Variants in PRKG1 observed in about 807,000 individuals in gnomAD.
The protein encoded by PRKG1 is cGMP-dependent protein kinase 1.
In PRKG1, 35 loss-of-function variants were observed where a neutral mutation model predicts 88.1. The observed-to-expected ratio is 0.40, with a 90% CI of 0.30 to 0.53. The LOEUF (loss-of-function observed/expected upper bound fraction) is 0.53, where lower values mean the gene tolerates loss of function less well. Among genes scored for constraint, PRKG1 ranks in the 20% least tolerant of loss-of-function variants. PRKG1 has a pLI of 0.59. For synonymous variants in PRKG1, 303 were observed against 292.5 expected, an observed-to-expected ratio of 1.04 and a Z score of -0.37; for missense variants, 540 against 839.8, an observed-to-expected ratio of 0.64 and a Z score of 4.41.
chr10:51,305,827 T>TATC (rs1841021661), intron 2 of PRKG1, among the ~76,000 whole-genome samples: 1 of 152,212 alleles, frequency 6.6e-6, no homozygotes, highest in Non-Finnish European at 1.5e-5. Flanking sequence ...GCTAAGCACA[T>TATC]ATCTTGTGAA....
intron 3 of PRKG1, among the ~76,000 whole-genome samples, chr10:51,623,098 A>G (rs1839249366): frequency 6.6e-6 from 1 of 152,216 alleles, no homozygotes. Flanking sequence ...ACTTGTAGCA[A>G]TCCAACAGAT....
chr10:51,141,200 A>G (rs915834168), intron 1 of PRKG1, among the ~76,000 whole-genome samples: 4 of 152,152 alleles, frequency 2.6e-5, no homozygotes, highest in African/African-American at 9.7e-5. Flanking sequence ...ACAGAGTTAC[A>G]TCATGTGCCT....
chr10:51,254,078 T>A (rs968677322), intron 2 of PRKG1, among the ~76,000 whole-genome samples: 2 of 151,934 alleles, frequency 1.3e-5, no homozygotes, highest in African/African-American at 4.8e-5. Flanking sequence ...AAGATCAAAG[T>A]GTTTAATATT....
intron 1 of PRKG1, among the ~76,000 whole-genome samples, chr10:51,017,199 T>C (rs1843078621): frequency 2.6e-5 from 4 of 152,136 alleles, no homozygotes; most frequent in Admixed American, 2.6e-4. Context: ...ATCCCTCTTA[T>C]GTGCTCCTGT....
intron 3 of PRKG1, among the ~76,000 whole-genome samples, chr10:51,520,810 A>G (rs1359931769): frequency 6.6e-6 from 1 of 152,238 alleles, no homozygotes; most frequent in East Asian, 1.9e-4. Flanking sequence ...TATGTCATAC[A>G]TGGAAGAATT....
rs561945792 is a variant in PRKG1 at position 52,259,309 on chromosome 10, C to T, written c.1173+7643C>T. On this transcript the variant is annotated intron_variant, in intron 10 of 17. Transcript: ENST00000373980. The stretch of plus-strand genomic sequence containing the variant: ...TCTGACAAAAGTAGGTTATTTTGTA[C>T]CACAGTGCAGTCTGCATTCCTGAAA... 7.2e-5 allele frequency among the ~76,000 whole-genome samples: 11 copies of T among 152,030 alleles called. No homozygotes were observed. In the South Asian group the frequency reaches 2.3e-3, roughly 32 times the overall value.
At chr10:51,850,381 T>G (rs1262063197) in intron 4 of PRKG1, among the ~76,000 whole-genome samples, 1 of 152,164 alleles carries the variant, frequency 6.6e-6, no homozygotes, top group African/African-American at 2.4e-5. Flanking sequence ...TTCACCATAT[T>G]GGCCAGGTTG....
At chr10:51,621,543 G>T (rs1375916929) in intron 3 of PRKG1, among the ~76,000 whole-genome samples, 1 of 152,068 alleles carries the variant, frequency 6.6e-6, no homozygotes, top group Non-Finnish European at 1.5e-5. Context: ...TCTTGTTTTG[G>T]CTGCTCAGTG....
In PRKG1 at chr10:52,296,483, T is replaced by A. The variant is rs1482001589; in HGVS notation, c.*2583T>A. The A allele has an allele frequency of 6.6e-6, 1 of 152,084 alleles. No individual in the cohort carries two copies. The highest frequency in any genetic ancestry group is 1.5e-5 in the Non-Finnish European group (1 of 67,940). 9.4% of individuals were successfully genotyped at this position (152,084 alleles called of 1,614,324 possible). ...TTGTCAACATTGAATTTTTAGGATT[T>A]AAATCTTGTCTTAATGAAGACTCTA... On this transcript the variant is annotated 3_prime_UTR_variant, in exon 18 of 18. Coordinates refer to ENST00000373980, the MANE Select transcript of PRKG1 (RefSeq NM_006258.4).
At chr10:51,079,399 G>A (rs973278124) in intron 1 of PRKG1, among the ~76,000 whole-genome samples, 3 of 152,162 alleles carry the variant, frequency 2.0e-5, no homozygotes, top group African/African-American at 7.2e-5. Flanking sequence ...AGTATTTGAA[G>A]AAGGGCTATG....
intron 5 of PRKG1, among the ~76,000 whole-genome samples, chr10:52,027,796 ATTAT>A (rs1328378371): frequency 1.3e-5 from 2 of 151,930 alleles, no homozygotes; most frequent in African/African-American, 2.4e-5. Flanking sequence ...TATTATTATT[ATTAT>A]TTATTTGAGA....
chr10:52,169,898 A>G (rs10762627), intron 9 of PRKG1, among the ~76,000 whole-genome samples: 117,167 of 152,104 alleles, frequency 0.77, 47,111 homozygotes, highest in Non-Finnish European at 0.9. Context: ...AGTGGTTCTC[A>G]GGTCCTTTTA....
intron 8 of PRKG1, among the ~76,000 whole-genome samples, chr10:52,144,190 G>C (rs987579844): frequency 6.6e-6 from 1 of 152,116 alleles, no homozygotes; most frequent in African/African-American, 2.4e-5. Context: ...AAAGACCTTT[G>C]TACAGTAATA....
At chr10:51,273,717 C>T (rs1368345604) in intron 2 of PRKG1, among the ~76,000 whole-genome samples, 1 of 152,144 alleles carries the variant, frequency 6.6e-6, no homozygotes, top group Non-Finnish European at 1.5e-5. Flanking sequence ...ACCCTTGGCC[C>T]ACATTTCTAC....
intron 1 of PRKG1, among the ~76,000 whole-genome samples, chr10:51,019,047 T>C (rs1843102104): frequency 6.6e-6 from 1 of 152,222 alleles, no homozygotes; most frequent in Admixed American, 6.5e-5. Context: ...CCTGCAGTCT[T>C]ACCCTTTCTG....
At position 52,288,795 on chromosome 10, in the gene PRKG1, A is replaced by G. The variant is rs1478526424; in HGVS notation, c.1779A>G (p.Glu593=). 6.2e-7 allele frequency: 1 copy of G among 1,607,744 alleles called. No individual in the cohort carries two copies. The highest frequency in any genetic ancestry group is 8.5e-7 in the Non-Finnish European group (1 of 1,177,304). Reference sequence around the variant, plus strand: ...TATTGAGGGGGATTGACATGATAGAATTTCCAAAGAAGATTGCCAAAAATG... The same window carrying G: ...TATTGAGGGGGATTGACATGATAGAGTTTCCAAAGAAGATTGCCAAAAATG... ...NIILRGIDMI[E]FPKKIAKNAA... The change falls in exon 15 of 18, where the codon GAA becomes GAG. Residue 593 remains glutamate (E), a synonymous_variant. Coordinates refer to ENST00000373980, the MANE Select transcript of PRKG1 (RefSeq NM_006258.4).
intron 3 of PRKG1, among the ~76,000 whole-genome samples, chr10:51,694,299 C>G (rs1841225929): frequency 6.6e-6 from 1 of 152,138 alleles, no homozygotes; most frequent in Non-Finnish European, 1.5e-5. Context: ...GTGTGCTTAG[C>G]TAATGTCCCA....
intron 3 of PRKG1, among the ~76,000 whole-genome samples, chr10:51,485,631 G>T (rs1003029276): frequency 1.2e-4 from 18 of 152,118 alleles, no homozygotes; most frequent in Non-Finnish European, 2.9e-5. Flanking sequence ...TACTTATGAG[G>T]CTCTACTAAA....
chr10:51,392,649 C>T (rs1247412552), intron 2 of PRKG1, among the ~76,000 whole-genome samples: 33 of 151,768 alleles, frequency 2.2e-4, no homozygotes, highest in African/African-American at 7.7e-4. Context: ...CTGTTGGGTA[C>T]ACCTCCCAGA....
Sources: gnomAD v4.1 joint callset for allele counts (sites outside exome capture counted in the v4.1 genomes callset) on GRCh38, gnomAD v4.1.1 for gene constraint, MANE v1.5 for transcripts, NCBI Gene and HGNC (gene_info 2026-07-23, HGNC 2026-07-21) for gene names.